Variants in SIK2 observed in about 807,000 individuals in gnomAD.
The protein encoded by SIK2 is salt inducible kinase 2.
In SIK2, 29 loss-of-function variants were observed where a neutral mutation model predicts 103.2. The observed-to-expected ratio is 0.28, with a 90% CI of 0.21 to 0.38. The LOEUF (loss-of-function observed/expected upper bound fraction) is 0.38, where lower values mean the gene tolerates loss of function less well. SIK2 is among the 10% of genes least tolerant of loss of function. SIK2 has a pLI of 1.00. For missense variants in SIK2, 879 were observed against 1,171.0 expected, an observed-to-expected ratio of 0.75 and a Z score of 3.64; for synonymous variants, 412 against 446.1, an observed-to-expected ratio of 0.92 and a Z score of 0.96.
rs1414049796 is a variant in SIK2, at chr11:111,616,048, AAAC to A, written c.136-190_136-188del. On this transcript the variant is annotated intron_variant, in intron 1 of 14. Coordinates refer to ENST00000304987, the MANE Select transcript of SIK2 (RefSeq NM_015191.3). ...TTCATAGCACACTAAAGACACTGCCAAACAACATCTACTGCCTTACACATGGTA... is the reference window on the plus strand; with the variant it reads ...TTCATAGCACACTAAAGACACTGCCAAACATCTACTGCCTTACACATGGTA... 2.0e-5 allele frequency among the ~76,000 whole-genome samples: 3 copies of A among 152,400 alleles called. No individual in the cohort carries two copies. In the South Asian group the frequency reaches 6.2e-4, roughly 32 times the overall value.
At chr11:111,669,564 C>A (rs976025912) in intron 3 of SIK2, among the ~76,000 whole-genome samples, 1 of 151,324 alleles carries the variant, frequency 6.6e-6, no homozygotes, top group Non-Finnish European at 1.5e-5. Context: ...GACACCCCCC[C>A]TCCCGCCCCG....
Position 111,728,597 on chromosome 11 carries a change from T to G in SIK2, c.*4468T>G, listed in dbSNP as rs932043505. 1 of 152,088 alleles carries G rather than the reference T, an allele frequency of 6.6e-6. No homozygotes were observed. Among genetic ancestry groups the G allele is most frequent in the African/African-American group, 2.4e-5 (1 of 41,410 alleles). The allele number at this position is 152,088 out of a possible 1,614,324, so 9.4% of individuals were successfully genotyped here. On this transcript the variant is annotated 3_prime_UTR_variant, in exon 15 of 15. Coordinates refer to ENST00000304987, the MANE Select transcript of SIK2 (RefSeq NM_015191.3). ...AGCCACCACACCCGACCTGGAATTT[T>G]TTTATAGAACTTATCTTCAGAGCAA...
chr11:111,669,931 G>C (rs560340720), intron 3 of SIK2, among the ~76,000 whole-genome samples: 15 of 152,144 alleles, frequency 9.9e-5, no homozygotes, highest in African/African-American at 3.4e-4. Context: ...CATGATAGAT[G>C]TACATACTTT....
rs544667420 is a variant in SIK2 at position 111,614,210 on chromosome 11, T to A, written c.136-2033T>A. 1.6e-3 allele frequency among the ~76,000 whole-genome samples: 242 copies of A among 151,800 alleles called. 2 individuals are homozygous for A. The highest frequency in any genetic ancestry group is 5.4e-3 in the African/African-American group (224 of 41,408). ...GATTCTCCTGCCTCAGTCTCCCAGG[T>A]CAACCTGGGATTACAGGCACCCACC... On this transcript the variant is annotated intron_variant, in intron 1 of 14. Coordinates refer to ENST00000304987, the MANE Select transcript of SIK2 (RefSeq NM_015191.3).
intron 3 of SIK2, among the ~76,000 whole-genome samples, chr11:111,635,715 T>G (rs1461446061): frequency 1.3e-5 from 2 of 152,262 alleles, no homozygotes; most frequent in Non-Finnish European, 2.9e-5. Context: ...TAGACAAGTT[T>G]CTGAAATGCA....
intron 3 of SIK2, among the ~76,000 whole-genome samples, chr11:111,649,640 T>C (rs1397143877): frequency 6.6e-6 from 1 of 152,060 alleles, no homozygotes; most frequent in African/African-American, 2.4e-5. Context: ...CATTTGTTCA[T>C]TCATGAGGAT....
rs538266049 is a variant in SIK2, at chr11:111,712,593, C to G, written c.1266+218C>G. 2.6e-5 allele frequency among the ~76,000 whole-genome samples: 4 copies of G among 152,284 alleles called. No individual in the cohort carries two copies. In the South Asian group the frequency reaches 6.2e-4, roughly 24 times the overall value. Reference sequence around the variant, plus strand: ...ATGACCATTACGTAATTTGTCAGACCTCGTGGACTTCTGAAAAGTCCTCCC... The same window carrying G: ...ATGACCATTACGTAATTTGTCAGACGTCGTGGACTTCTGAAAAGTCCTCCC... On this transcript the variant is annotated intron_variant, in intron 9 of 14. Coordinates refer to ENST00000304987, the MANE Select transcript of SIK2 (RefSeq NM_015191.3).
chr11:111,719,673 A>T, intron 9 of SIK2, 102 bp from the exon 10 acceptor site: 1 of 1,134,322 alleles, frequency 8.8e-7, no homozygotes, highest in Non-Finnish European at 1.3e-6. Flanking sequence ...TAAATATTTT[A>T]CTTAATTTCT....
intron 1 of SIK2, among the ~76,000 whole-genome samples, chr11:111,612,067 T>C (rs1941734810): frequency 6.6e-6 from 1 of 152,224 alleles, no homozygotes; most frequent in Non-Finnish European, 1.5e-5. Context: ...TTCATTTTTA[T>C]ATCCCAGGCA....
chr11:111,716,553 G>C (rs1306174561), intron 9 of SIK2, among the ~76,000 whole-genome samples: 1 of 152,020 alleles, frequency 6.6e-6, no homozygotes, highest in Non-Finnish European at 1.5e-5. Context: ...CTCCAGCCTG[G>C]GCGACAGAGT....
At chr11:111,686,451 G>GA (rs1942848142) in intron 3 of SIK2, among the ~76,000 whole-genome samples, 4 of 151,930 alleles carry the variant, frequency 2.6e-5, no homozygotes, top group Admixed American at 2.6e-4. Context: ...AAAAACTAAA[G>GA]AAAAAAATAC....
At chr11:111,668,952 G>C (rs895909033) in intron 3 of SIK2, among the ~76,000 whole-genome samples, 1 of 152,160 alleles carries the variant, frequency 6.6e-6, no homozygotes, top group South Asian at 2.1e-4. Flanking sequence ...TCTAAGATTA[G>C]AGTGGCATCA....
In SIK2 at chr11:111,602,637, C is replaced by A; in HGVS notation, c.74C>A (p.Thr25Lys). 1 of 1,532,384 alleles carries A rather than the reference C, an allele frequency of 6.5e-7. No individual in the cohort carries two copies. Among genetic ancestry groups the A allele is most frequent in the Non-Finnish European group, 8.8e-7 (1 of 1,138,756 alleles). 94.9% of individuals were successfully genotyped at this position (1,532,384 alleles called of 1,614,324 possible). A position where few individuals can be genotyped will look rare whatever the true frequency, so the allele number is the denominator to read the frequency against. The change falls in exon 1 of 15, where the codon ACG becomes AAG. Residue 25 changes from threonine to lysine, a missense_variant. Thr to Lys is a moderately conservative substitution (Grantham distance 78). Transcript: ENST00000304987. The surrounding 1 kb of genome is among the most constrained non-coding windows in gnomAD (Gnocchi z 4.5). ...GTGGGGTTCTACGACATCGAGGGCA[C>A]GCTGGGCAAGGGCAACTTCGCTGTG... is the stretch of plus-strand genomic sequence containing the variant. Reference protein sequence around the residue: ...VRVGFYDIEGTLGKGNFAVVK... With the variant: ...VRVGFYDIEGKLGKGNFAVVK...
chr11:111,725,731 G>A lies in SIK2; in HGVS notation c.*1602G>A, dbSNP rs1438807855. The A allele has an allele frequency of 1.3e-5, 2 of 152,654 alleles. No homozygotes were observed. The highest frequency in any genetic ancestry group is 2.9e-5 in the Non-Finnish European group (2 of 68,042). 9.5% of individuals were successfully genotyped at this position (152,654 alleles called of 1,614,324 possible). ...GTTAGCGTTCAGGCAGGTGACGTGT[G>A]GAAAGTCTAGGGGGTTCCATTCTGG... is the stretch of plus-strand genomic sequence containing the variant. On this transcript the variant is annotated 3_prime_UTR_variant, in exon 15 of 15. Transcript: ENST00000304987.
chr11:111,690,996 CA>C (rs1341464223), intron 4 of SIK2, among the ~76,000 whole-genome samples: 1 of 152,138 alleles, frequency 6.6e-6, no homozygotes, highest in Non-Finnish European at 1.5e-5. Context: ...GTAGGAATTA[CA>C]AAGTGCTGTC....
intron 4 of SIK2, among the ~76,000 whole-genome samples, chr11:111,691,723 A>G (rs1007379259): frequency 6.6e-6 from 1 of 152,206 alleles, no homozygotes; most frequent in African/African-American, 2.4e-5. Flanking sequence ...TCTTGCCCAC[A>G]CTTAATTCTC....
intron 3 of SIK2, among the ~76,000 whole-genome samples, chr11:111,627,371 C>A (rs1941974432): frequency 6.6e-6 from 1 of 152,040 alleles, no homozygotes; most frequent in South Asian, 2.1e-4. Context: ...ATTCATATAC[C>A]TTTTATTACA....
intron 3 of SIK2, among the ~76,000 whole-genome samples, chr11:111,658,981 A>C (rs1440018555): frequency 6.6e-6 from 1 of 152,184 alleles, no homozygotes; most frequent in Non-Finnish European, 1.5e-5. Context: ...AACATGTGTC[A>C]GAGAAGGATT....
rs920849157 is a variant in SIK2, at chr11:111,701,693, G to A, written c.727+118G>A. 4 of 1,324,418 alleles carry A rather than the reference G, an allele frequency of 3.0e-6. No individual in the cohort carries two copies. Among genetic ancestry groups the A allele is most frequent in the East Asian group, 2.4e-5 (1 of 41,228 alleles). 82.0% of individuals were successfully genotyped at this position (1,324,418 alleles called of 1,614,324 possible). On this transcript the variant is annotated intron_variant, in intron 6 of 14. Coordinates refer to ENST00000304987, the MANE Select transcript of SIK2 (RefSeq NM_015191.3). The surrounding 1 kb of genome is among the most constrained non-coding windows in gnomAD (Gnocchi z 4.2). ...GGGTGCCAAATAAAGTGACTGAGCT[G>A]TAGGTTAAAAGCTATAGAAAGAAGC...
Sources: gnomAD v4.1 joint callset for allele counts (sites outside exome capture counted in the v4.1 genomes callset) on GRCh38, gnomAD v4.1.1 for gene constraint, Gnocchi (gnomAD v3.1) non-coding constraint, MANE v1.5 for transcripts, NCBI Gene and HGNC (gene_info 2026-07-23, HGNC 2026-07-21) for gene names.